Variants in AKAP19 observed in about 807,000 individuals in gnomAD.
The protein encoded by AKAP19 is small A-kinase anchoring protein.
At chr2:190,166,764 T>C in the AKAP19 span, among the ~76,000 whole-genome samples, 3 of 152,206 alleles carry the variant, frequency 2.0e-5, no homozygotes, top group Non-Finnish European at 4.4e-5. Flanking sequence ...TTCCTTGATC[T>C]GATTTTCTTA....
chr2:189,901,263 G>C, the AKAP19 span, among the ~76,000 whole-genome samples: 2 of 150,018 alleles, frequency 1.3e-5, no homozygotes, highest in African/African-American at 2.5e-5. Flanking sequence ...AACGATTTTT[G>C]CTCTTGGTGT....
At chr2:190,064,694 G>A in the AKAP19 span, among the ~76,000 whole-genome samples, 1 of 152,116 alleles carries the variant, frequency 6.6e-6, no homozygotes, top group African/African-American at 2.4e-5. Flanking sequence ...TTGAGATTAT[G>A]CTTAAAATTA....
the AKAP19 span, among the ~76,000 whole-genome samples, chr2:190,006,262 A>G: frequency 2.6e-5 from 4 of 152,222 alleles, no homozygotes; most frequent in Non-Finnish European, 5.9e-5. Flanking sequence ...TTTTTCTAAG[A>G]TGGTGCTTCC....
At chr2:189,916,358 G>C in the AKAP19 span, among the ~76,000 whole-genome samples, 5 of 127,802 alleles carry the variant, frequency 3.9e-5, no homozygotes, top group African/African-American at 6.0e-5. Context: ...AGACAGAGCT[G>C]TCGCCCAGGC....
At chr2:190,097,874 A>AG in the AKAP19 span, among the ~76,000 whole-genome samples, 4 of 150,946 alleles carry the variant, frequency 2.6e-5, no homozygotes, top group East Asian at 3.9e-4. Flanking sequence ...AAAAAAAAAA[A>AG]AAAAAAAGAA....
chr2:189,982,348 A>C, the AKAP19 span, among the ~76,000 whole-genome samples: 2 of 152,120 alleles, frequency 1.3e-5, no homozygotes, highest in Non-Finnish European at 2.9e-5. Flanking sequence ...CAATTCCAGA[A>C]GTTTTCTTTG....
chr2:189,929,606 C>A, the AKAP19 span, among the ~76,000 whole-genome samples: 1 of 151,558 alleles, frequency 6.6e-6, no homozygotes, highest in Non-Finnish European at 1.5e-5. Context: ...TGCTTACAAG[C>A]TAGGATATCA....
chr2:190,141,019 C>CA, the AKAP19 span, among the ~76,000 whole-genome samples: 1 of 152,180 alleles, frequency 6.6e-6, no homozygotes, highest in Non-Finnish European at 1.5e-5. Context: ...CCACCTGTCT[C>CA]TTTGCTAAAG....
chr2:190,099,491 A>G, the AKAP19 span, among the ~76,000 whole-genome samples: 1 of 152,216 alleles, frequency 6.6e-6, no homozygotes, highest in Non-Finnish European at 1.5e-5. Flanking sequence ...AAACAAATAC[A>G]AAAGTAACAT....
At chr2:190,029,181 T>C in the AKAP19 span, among the ~76,000 whole-genome samples, 2 of 151,736 alleles carry the variant, frequency 1.3e-5, no homozygotes, top group Non-Finnish European at 2.9e-5. Flanking sequence ...GCCTCCTGAG[T>C]AGCTGGGATT....
chr2:190,139,448 G>A, the AKAP19 span, among the ~76,000 whole-genome samples: 1 of 152,170 alleles, frequency 6.6e-6, no homozygotes, highest in South Asian at 2.1e-4. Context: ...TTCTCACACT[G>A]CTGTGAAGAA....
At chr2:189,888,773 A>AT in the AKAP19 span, among the ~76,000 whole-genome samples, 1 of 152,208 alleles carries the variant, frequency 6.6e-6, no homozygotes, top group Non-Finnish European at 1.5e-5. Flanking sequence ...AATGCTTGTG[A>AT]TTTTTGCACA....
the AKAP19 span, among the ~76,000 whole-genome samples, chr2:189,956,230 C>T: frequency 3.2e-5 from 4 of 123,562 alleles, no homozygotes; most frequent in Non-Finnish European, 6.4e-5. Flanking sequence ...AGTGCAGTGG[C>T]GGGATCTCGG....
chr2:189,904,563 C>G, the AKAP19 span, among the ~76,000 whole-genome samples: 37 of 152,098 alleles, frequency 2.4e-4, no homozygotes, highest in South Asian at 1.9e-3. Flanking sequence ...AGGGAGTCAT[C>G]ATCATTATCG....
chr2:190,177,983 A>G, the AKAP19 span, among the ~76,000 whole-genome samples: 1 of 152,092 alleles, frequency 6.6e-6, no homozygotes, highest in Non-Finnish European at 1.5e-5. The surrounding 1 kb of genome is among the most constrained non-coding windows in gnomAD (Gnocchi z 4.6). Flanking sequence ...CACCCTAACC[A>G]CATTCACCTC....
At chr2:190,084,285 G>T in the AKAP19 span, among the ~76,000 whole-genome samples, 1 of 151,944 alleles carries the variant, frequency 6.6e-6, no homozygotes, top group Admixed American at 6.6e-5. Context: ...TAGAGACAGG[G>T]TTTTACCATG....
the AKAP19 span, among the ~76,000 whole-genome samples, chr2:190,019,234 A>T: frequency 1.3e-5 from 2 of 152,110 alleles, no homozygotes; most frequent in South Asian, 4.1e-4. Context: ...TAGCCCCTGA[A>T]CTTTGCCAAA....
chr2:189,933,321 G>A, the AKAP19 span, among the ~76,000 whole-genome samples: 4 of 152,072 alleles, frequency 2.6e-5, no homozygotes, highest in South Asian at 4.1e-4. Flanking sequence ...AATCAAAACC[G>A]TGTACCTAGT....
the AKAP19 span, among the ~76,000 whole-genome samples, chr2:190,111,719 G>A: frequency 6.6e-6 from 1 of 152,034 alleles, no homozygotes; most frequent in Admixed American, 6.6e-5. Flanking sequence ...TGAGTTCTCA[G>A]GATCTATATC....
Sources: allele counts gnomAD v4.1 joint callset (sites outside exome capture counted in the v4.1 genomes callset), GRCh38; gene constraint gnomAD v4.1.1; non-coding constraint Gnocchi (gnomAD v3.1); transcripts MANE v1.5; gene names NCBI Gene and HGNC (gene_info 2026-07-23, HGNC 2026-07-21).